Variants in ZDHHC14 observed in about 807,000 individuals in gnomAD.
The protein encoded by ZDHHC14 is palmitoyltransferase ZDHHC14.
ZDHHC14 carries 16 observed loss-of-function variants against 47.7 expected under a neutral mutation model. The ratio of observed to expected loss-of-function variants is 0.34; its 90% CI spans 0.23 to 0.51. The LOEUF (loss-of-function observed/expected upper bound fraction) is 0.51, where lower values mean the gene tolerates loss of function less well. ZDHHC14 is among the 20% of genes least tolerant of loss of function. The pLI, the probability that ZDHHC14 is intolerant of heterozygous loss-of-function variation, is 0.97. For synonymous variants in ZDHHC14, 293 were observed against 278.9 expected, an observed-to-expected ratio of 1.05 and a Z score of -0.50; for missense variants, 515 against 662.5, an observed-to-expected ratio of 0.78 and a Z score of 2.44.
chr6:157,611,641 G>C (rs1274938657), intron 3 of ZDHHC14, among the ~76,000 whole-genome samples: 1 of 152,222 alleles, frequency 6.6e-6, no homozygotes, highest in Non-Finnish European at 1.5e-5. Context: ...AGACGATCCA[G>C]CAAGGGAGGG....
intron 1 of ZDHHC14, among the ~76,000 whole-genome samples, chr6:157,541,363 G>A (rs545757459): frequency 1.2e-3 from 176 of 152,238 alleles, no homozygotes; most frequent in African/African-American, 3.9e-3. Flanking sequence ...TCCCAGACTC[G>A]TGCCAGCATC....
intron 1 of ZDHHC14, among the ~76,000 whole-genome samples, chr6:157,523,126 C>A (rs1455883266): frequency 1.3e-5 from 2 of 151,514 alleles, no homozygotes. Flanking sequence ...CTCTCTCTCT[C>A]TATAGCCCTA....
At chr6:157,501,487 G>A (rs552225721) in intron 1 of ZDHHC14, among the ~76,000 whole-genome samples, 3 of 152,138 alleles carry the variant, frequency 2.0e-5, no homozygotes, top group African/African-American at 2.4e-5. Context: ...TTGCATTTAC[G>A]GCCTGTGATT....
chr6:157,417,753 G>T lies in ZDHHC14; in HGVS notation c.245+35487G>T, dbSNP rs1583627453. 2.6e-5 allele frequency among the ~76,000 whole-genome samples: 4 copies of T among 152,300 alleles called. 1 individual carries two copies. The South Asian group carries it at 8.3e-4, about 32-fold the overall frequency. ...CCCAGCACTTTGGGAGGCCGAGGCG[G>T]GCGGATCACGCTAATGTGGTGAAAC... On this transcript the variant is annotated intron_variant, in intron 1 of 8. Transcript: ENST00000359775.
At chr6:157,584,785 G>T (rs1783628956) in intron 2 of ZDHHC14, among the ~76,000 whole-genome samples, 1 of 152,186 alleles carries the variant, frequency 6.6e-6, no homozygotes, top group Non-Finnish European at 1.5e-5. Flanking sequence ...AACACTAGAT[G>T]TAAGTGCTGT....
chr6:157,415,711 C>T (rs1777960559), intron 1 of ZDHHC14, among the ~76,000 whole-genome samples: 2 of 151,908 alleles, frequency 1.3e-5, no homozygotes, highest in African/African-American at 4.8e-5. Context: ...CCCGTCTCTA[C>T]TAAAAATACA....
At chr6:157,616,592 C>T (rs1784972357) in intron 3 of ZDHHC14, among the ~76,000 whole-genome samples, 1 of 152,132 alleles carries the variant, frequency 6.6e-6, no homozygotes, top group African/African-American at 2.4e-5. Flanking sequence ...CCCAGGTGCA[C>T]CCTCCCTGAC....
rs1473112554 is a variant in ZDHHC14, at chr6:157,677,795, C to T, written c.*4673C>T. 2 of 147,210 alleles carry T rather than the reference C, an allele frequency of 1.4e-5. No individual in the cohort carries two copies. The highest frequency in any genetic ancestry group is 5.1e-5 in the African/African-American group (2 of 39,554). 9.1% of individuals were successfully genotyped at this position (147,210 alleles called of 1,614,324 possible). A position where few individuals can be genotyped will look rare whatever the true frequency, so the allele number is the denominator to read the frequency against. On this transcript the variant is annotated 3_prime_UTR_variant, in exon 9 of 9. Coordinates refer to ENST00000359775, the MANE Select transcript of ZDHHC14 (RefSeq NM_024630.3). ...AAACCGAGAGGCCACATGGCATGTC[C>T]AAGGAGACATGCTTTCTGGGTTCTA...
chr6:157,514,821 A>G (rs1780622067), intron 1 of ZDHHC14, among the ~76,000 whole-genome samples: 1 of 152,160 alleles, frequency 6.6e-6, no homozygotes, highest in African/African-American at 2.4e-5. Context: ...CCAAGCCAAC[A>G]AGGAACCCAT....
At chr6:157,592,965 T>A (rs748151450) in intron 2 of ZDHHC14, 23 bp from the exon 3 acceptor site, 1 of 1,601,438 alleles carries the variant, frequency 6.2e-7, no homozygotes, top group Non-Finnish European at 8.5e-7. Flanking sequence ...AGGTGTGCGC[T>A]CTTTCTCTTC....
intron 4 of ZDHHC14, chr6:157,630,207 T>G (rs1367208806): frequency 1.3e-5 from 2 of 152,134 alleles, no homozygotes; most frequent in Non-Finnish European, 2.9e-5. Context: ...CTCAAACTCC[T>G]GACCTCAGGT....
chr6:157,455,692 C>T (rs1014151834), intron 1 of ZDHHC14, among the ~76,000 whole-genome samples: 3 of 150,466 alleles, frequency 2.0e-5, no homozygotes, highest in East Asian at 2.0e-4. Context: ...CGGGCCATTT[C>T]GGGGACATTG....
intron 3 of ZDHHC14, among the ~76,000 whole-genome samples, chr6:157,626,890 T>TG (rs113464326): frequency 0.051 from 6,864 of 134,132 alleles, 264 homozygotes; most frequent in African/African-American, 0.073. Flanking sequence ...CTTTTCCAGC[T>TG]GGGGGGGGGG....
intron 7 of ZDHHC14, among the ~76,000 whole-genome samples, chr6:157,648,834 T>G (rs1459153952): frequency 6.6e-6 from 1 of 152,204 alleles, no homozygotes; most frequent in Non-Finnish European, 1.5e-5. Context: ...GCTGGCTTGT[T>G]TGTGACTAGC....
At chr6:157,425,799 G>A (rs1309490821) in intron 1 of ZDHHC14, among the ~76,000 whole-genome samples, 1 of 152,126 alleles carries the variant, frequency 6.6e-6, no homozygotes, top group African/African-American at 2.4e-5. Context: ...TGCTGCCTGG[G>A]CTCCAGCCAC....
intron 1 of ZDHHC14, among the ~76,000 whole-genome samples, chr6:157,387,108 G>A (rs923347285): frequency 2.6e-5 from 4 of 152,124 alleles, no homozygotes; most frequent in African/African-American, 7.2e-5. Context: ...ACTTGAAAAC[G>A]TGGGGACATT....
intron 1 of ZDHHC14, among the ~76,000 whole-genome samples, chr6:157,540,910 G>GTGTGTGTGTGTGTGTA (rs1284429244): frequency 3.8e-3 from 461 of 122,854 alleles, no homozygotes; most frequent in African/African-American, 6.9e-3. Flanking sequence ...GTGTGTGTGT[G>GTGTGTGTGTGTGTGTA]TATATATATA....
chr6:157,405,730 G>T (rs975609853), intron 1 of ZDHHC14, among the ~76,000 whole-genome samples: 2 of 152,168 alleles, frequency 1.3e-5, no homozygotes, highest in Non-Finnish European at 2.9e-5. Flanking sequence ...AATTATAAGT[G>T]ATTCTTTATT....
At position 157,674,365 on chromosome 6, in the gene ZDHHC14, A is replaced by C. The variant is rs1002006546; in HGVS notation, c.*1243A>C. The C allele has an allele frequency of 5.3e-5, 8 of 152,180 alleles. No individual in the cohort carries two copies. The highest frequency in any genetic ancestry group is 1.7e-4 in the African/African-American group (7 of 41,424). 9.4% of individuals were successfully genotyped at this position (152,180 alleles called of 1,614,324 possible). Reference sequence around the variant, plus strand: ...AGAAATCGGCTTACAGTCTAAGCTGAGATCATGTAGGTCATCATCCTTCCT... The same window carrying C: ...AGAAATCGGCTTACAGTCTAAGCTGCGATCATGTAGGTCATCATCCTTCCT... On this transcript the variant is annotated 3_prime_UTR_variant, in exon 9 of 9. Transcript: ENST00000359775.
Sources: allele counts gnomAD v4.1 joint callset (sites outside exome capture counted in the v4.1 genomes callset), GRCh38; gene constraint gnomAD v4.1.1; transcripts MANE v1.5; gene names NCBI Gene and HGNC (gene_info 2026-07-23, HGNC 2026-07-21).